Variants in RNF20 observed in about 807,000 individuals in gnomAD.
The protein encoded by RNF20 is E3 ubiquitin-protein ligase BRE1A.
A neutral mutation model predicts 126.2 loss-of-function variants in RNF20; 84 were observed. The observed-to-expected ratio is 0.67, with a 90% confidence interval of 0.56 to 0.80. RNF20 has a LOEUF of 0.80. Ranked by LOEUF, RNF20 falls within the 30% of genes least tolerant of loss-of-function variation. The pLI is 0.00. For synonymous variants in RNF20, 400 were observed against 414.3 expected, an observed-to-expected ratio of 0.97 and a Z score of 0.42; for missense variants, 869 against 1,188.2, an observed-to-expected ratio of 0.73 and a Z score of 3.95.
chr9:101,549,199 C>T (rs1362204284), intron 9 of RNF20, among the ~76,000 whole-genome samples: 1 of 152,146 alleles, frequency 6.6e-6, no homozygotes, highest in Non-Finnish European at 1.5e-5. Context: ...CCAGGCTGCA[C>T]TGATATTTAT....
intron 16 of RNF20, among the ~76,000 whole-genome samples, chr9:101,559,637 GTATTT>G (rs1827595171): frequency 6.6e-6 from 1 of 152,076 alleles, no homozygotes; most frequent in East Asian, 1.9e-4. Context: ...ATATTCCTAA[GTATTT>G]TATTTTATTT....
intron 19 of RNF20, 77 bp downstream of exon 19, chr9:101,562,088 T>G: frequency 1.5e-6 from 2 of 1,315,508 alleles, no homozygotes; most frequent in South Asian, 2.7e-5. Flanking sequence ...ATAATTTGCA[T>G]GATAGTAACC....
intron 14 of RNF20, 137 bp from the exon 15 acceptor site, chr9:101,554,557 G>A (rs41282147): frequency 0.012 from 7,271 of 589,676 alleles, 64 homozygotes; most frequent in Non-Finnish European, 0.015. Flanking sequence ...TAATGTTTTA[G>A]TATATTATGT....
At chr9:101,535,251 CA>C in intron 1 of RNF20, 146 bp from the exon 2 acceptor site, 1 of 479,238 alleles carries the variant, frequency 2.1e-6, no homozygotes, top group Non-Finnish European at 3.4e-6. Context: ...TTTTTTTCCT[CA>C]AAGAGAAATA....
At chr9:101,545,212 C>T (rs943855001) in intron 6 of RNF20, among the ~76,000 whole-genome samples, 1 of 152,034 alleles carries the variant, frequency 6.6e-6, no homozygotes, top group Non-Finnish European at 1.5e-5. Context: ...TTAAACCATG[C>T]CAAGATTTGG....
intron 15 of RNF20, 45 bp from the exon 16 acceptor site, chr9:101,557,339 G>T: frequency 7.1e-7 from 1 of 1,415,970 alleles, no homozygotes; most frequent in Non-Finnish European, 1.0e-6. Context: ...TTCCATTGAA[G>T]TTGGAAGATT....
At position 101,554,064 on chromosome 9, in the gene RNF20, A is replaced by G; in HGVS notation, c.1978A>G (p.Lys660Glu). The G allele has an allele frequency of 6.2e-7, 1 of 1,613,348 alleles. No individual in the cohort carries two copies. ...TTCTGCCCCAAAGGAACAGAGAGAC[A>G]AAGTTCAGCTGATGGCAGCTGAGAA... Reference protein sequence around the residue: ...YRSAPKEQRDKVQLMAAEKKS... With the variant: ...YRSAPKEQRDEVQLMAAEKKS... The change falls in exon 14 of 20, where the codon AAA becomes GAA. Residue 660 changes from lysine (K) to glutamate (E), a missense_variant. Physicochemically the swap from Lys to Glu is moderately conservative, Grantham distance 56. Around this residue, in one of 8 missense-constraint regions of RNF20, gnomAD observed 231 missense variants for 263.6 expected, o/e 0.88. Transcript: ENST00000389120.
In RNF20 at chr9:101,562,815, T is replaced by G. The variant is rs987647437; in HGVS notation, c.*393T>G. On this transcript the variant is annotated 3_prime_UTR_variant, in exon 20 of 20. Transcript: ENST00000389120. Reference sequence around the variant, plus strand: ...AACAAAAGTGGAAACATGGCTACTTTTGGGGAGTGATATTTTAAAAAATAA... The same window carrying G: ...AACAAAAGTGGAAACATGGCTACTTGTGGGGAGTGATATTTTAAAAAATAA... The G allele has an allele frequency of 1.9e-5, 3 of 157,642 alleles. No homozygotes were observed. The highest frequency in any genetic ancestry group is 4.8e-5 in the African/African-American group (2 of 41,696). The allele number at this position is 157,642 out of a possible 1,614,324, so 9.8% of individuals were successfully genotyped here. A position where few individuals can be genotyped will look rare whatever the true frequency, so the allele number is the denominator to read the frequency against.
chr9:101,553,871 A>T (rs752607445), intron 13 of RNF20, 117 bp from the exon 14 acceptor site: 1 of 586,536 alleles, frequency 1.7e-6, no homozygotes. Context: ...TTTAGGTGTG[A>T]TATGAAATGT....
chr9:101,548,742 T>C (rs142120010), intron 9 of RNF20, among the ~76,000 whole-genome samples: 1 of 152,278 alleles, frequency 6.6e-6, no homozygotes, highest in African/African-American at 2.4e-5. Context: ...TACAAAGATA[T>C]GTAGACTAAA....
At chr9:101,543,750 G>A (rs1437745574) in intron 5 of RNF20, among the ~76,000 whole-genome samples, 5 of 152,234 alleles carry the variant, frequency 3.3e-5, no homozygotes, top group African/African-American at 1.2e-4. Context: ...CAGTGCTTAG[G>A]ATATTGAGAG....
intron 13 of RNF20, 95 bp downstream of exon 13, chr9:101,552,848 C>A (rs755649484): frequency 4.3e-4 from 523 of 1,217,006 alleles, no homozygotes; most frequent in Non-Finnish European, 5.7e-4. Context: ...CTTGTCTGAT[C>A]GTTTTAATGT....
chr9:101,557,769 C>T (rs1027786486), intron 16 of RNF20, among the ~76,000 whole-genome samples, 173 bp downstream of exon 16: 18 of 152,114 alleles, frequency 1.2e-4, no homozygotes, highest in African/African-American at 3.6e-4. Flanking sequence ...TACTGTTATT[C>T]CTACAAAAGA....
At chr9:101,542,369 C>A (rs1385107298) in intron 5 of RNF20, among the ~76,000 whole-genome samples, 1 of 152,178 alleles carries the variant, frequency 6.6e-6, no homozygotes, top group Non-Finnish European at 1.5e-5. Context: ...CCATTCTAAA[C>A]AATGTGTTTT....
intron 9 of RNF20, among the ~76,000 whole-genome samples, chr9:101,550,135 A>G (rs559204249): frequency 1.3e-5 from 2 of 152,358 alleles, no homozygotes; most frequent in South Asian, 4.1e-4. Context: ...TTTGAACTGA[A>G]AAATAAAAAA....
In RNF20 at chr9:101,554,011, A is replaced by C; in HGVS notation, c.1925A>C (p.Glu642Ala). The part of the protein sequence containing the change: ...ELKKAQESQK[E>A]MKLLLDMYRS... ...AGGAAGGCACAGGAGAGCCAAAAGG[A>C]GATGAAACTATTGCTGGATATGTAC... Residue 642 changes from glutamate (E) to alanine (A), a missense_variant, in exon 14 of 20, where the codon GAG (glutamate) becomes GCG (alanine). This residue lies in a region of RNF20 where 231 missense variants were observed against 263.6 expected (regional missense o/e 0.88). Coordinates refer to ENST00000389120, the MANE Select transcript of RNF20 (RefSeq NM_019592.7). 6.2e-7 allele frequency: 1 copy of C among 1,612,948 alleles called. No individual in the cohort carries two copies. The highest frequency in any genetic ancestry group is 8.5e-7 in the Non-Finnish European group (1 of 1,179,086).
chr9:101,558,711 AATT>A (rs1431317163), intron 16 of RNF20, among the ~76,000 whole-genome samples: 3 of 152,012 alleles, frequency 2.0e-5, no homozygotes, highest in Admixed American at 2.0e-4. Context: ...TTCTTTTGAG[AATT>A]GTATATTCAT....
In RNF20 at chr9:101,550,728, T is replaced by C. The variant is rs570419567; in HGVS notation, c.1215T>C (p.Ala405=). The C allele has an allele frequency of 6.2e-7, 1 of 1,614,186 alleles. No homozygotes were observed. Among genetic ancestry groups the C allele is most frequent in the East Asian group, 2.2e-5 (1 of 44,892 alleles). ...SLQLKAHLDE[A]RTLLHGTRGT... is the part of the protein sequence containing the mutation. ...AGTTGAAAGCACACTTGGATGAGGCTCGGACCCTGCTTCATGGCACCAGAG... is the reference window on the plus strand; with the variant it reads ...AGTTGAAAGCACACTTGGATGAGGCCCGGACCCTGCTTCATGGCACCAGAG... Residue 405 remains alanine (A), a synonymous_variant, in exon 10 of 20, where the codon GCT becomes GCC. Coordinates refer to ENST00000389120, the MANE Select transcript of RNF20 (RefSeq NM_019592.7).
rs753179127 is a variant in RNF20 at position 101,540,899 on chromosome 9, C to T, written c.552C>T (p.Ala184=). Residue 184 remains alanine (A), a synonymous_variant, in exon 5 of 20, where the codon GCC becomes GCT. Transcript: ENST00000389120. ...AACGTGTGGAGTCTTCCCGCCGAGC[C>T]GTGTCCCAGATTGTGACTGTTTATG... ...LQERVESSRR[A]VSQIVTVYDK... is the part of the protein sequence containing the mutation. The T allele has an allele frequency of 3.0e-5, 49 of 1,613,948 alleles. No individual in the cohort carries two copies. In the Middle Eastern group the frequency reaches 1.3e-3, roughly 43 times the overall value.
Sources: gnomAD v4.1 joint callset for allele counts (sites outside exome capture counted in the v4.1 genomes callset) on GRCh38, gnomAD v4.1.1 for gene constraint, gnomAD v4.1.1 regional missense constraint, MANE v1.5 for transcripts, NCBI Gene and HGNC (gene_info 2026-07-23, HGNC 2026-07-21) for gene names.